Variants in ANKRD6 observed in about 807,000 individuals in gnomAD.
ANKRD6 encodes the protein ankyrin repeat domain 6, also known as ankyrin repeat domain-containing protein 6.
In ANKRD6, 56 loss-of-function variants were observed where a neutral mutation model predicts 82.3. The observed-to-expected ratio is 0.68, with a 90% CI of 0.55 to 0.85. ANKRD6 has a LOEUF of 0.85. ANKRD6 is among the 40% of genes least tolerant of loss of function. The pLI, the probability that ANKRD6 is intolerant of heterozygous loss-of-function variation, is 0.00. For missense variants in ANKRD6, 852 were observed against 907.6 expected, an observed-to-expected ratio of 0.94 and a Z score of 0.79; for synonymous variants, 347 against 352.1, an observed-to-expected ratio of 0.99 and a Z score of 0.16.
At chr6:89,525,698 T>C (rs375493281) in intron 1 of ANKRD6, among the ~76,000 whole-genome samples, 4 of 152,214 alleles carry the variant, frequency 2.6e-5, no homozygotes, top group Non-Finnish European at 4.4e-5. Context: ...TACATAGTTA[T>C]GAGGGGAGTC....
chr6:89,485,873 C>T (rs1180398725), intron 1 of ANKRD6, among the ~76,000 whole-genome samples: 1 of 152,094 alleles, frequency 6.6e-6, no homozygotes, highest in Non-Finnish European at 1.5e-5. Flanking sequence ...TAATCCTCAC[C>T]AGAAATTTGC....
chr6:89,588,076 G>A (rs1411097129), intron 2 of ANKRD6, among the ~76,000 whole-genome samples: 1 of 152,072 alleles, frequency 6.6e-6, no homozygotes, highest in Non-Finnish European at 1.5e-5. Context: ...AAGCTCTCAG[G>A]GAACACCATC....
intron 1 of ANKRD6, among the ~76,000 whole-genome samples, chr6:89,456,536 T>A (rs1258402932): frequency 6.6e-6 from 1 of 152,186 alleles, no homozygotes; most frequent in Non-Finnish European, 1.5e-5. Context: ...CAGACTGGGT[T>A]AGGGCCTACC....
At chr6:89,562,858 A>C (rs1169664832) in intron 1 of ANKRD6, 1 of 152,228 alleles carries the variant, frequency 6.6e-6, no homozygotes, top group African/African-American at 2.4e-5. Context: ...GTTATCCAGA[A>C]ACTGAACACG....
At chr6:89,467,820 C>T (rs1201694950) in intron 1 of ANKRD6, among the ~76,000 whole-genome samples, 2 of 152,130 alleles carry the variant, frequency 1.3e-5, no homozygotes, top group South Asian at 2.1e-4. Flanking sequence ...TCTTATGTTG[C>T]GGGAGGCATT....
chr6:89,522,889 T>G (rs1782047451), intron 1 of ANKRD6, among the ~76,000 whole-genome samples: 1 of 152,142 alleles, frequency 6.6e-6, no homozygotes, highest in South Asian at 2.1e-4. Flanking sequence ...AGAGAAGGGA[T>G]TAAATCTAGT....
At chr6:89,538,932 A>G (rs186888953) in intron 1 of ANKRD6, among the ~76,000 whole-genome samples, 3 of 152,336 alleles carry the variant, frequency 2.0e-5, no homozygotes, top group East Asian at 1.9e-4. Flanking sequence ...CAGAGTTTCA[A>G]CAGATTCTTA....
intron 1 of ANKRD6, among the ~76,000 whole-genome samples, chr6:89,446,909 T>C (rs1227245766): frequency 6.6e-6 from 1 of 152,306 alleles, no homozygotes; most frequent in East Asian, 1.9e-4. Flanking sequence ...GCTGCTGCCA[T>C]GTGAAGAAGG....
intron 3 of ANKRD6, 50 bp from the exon 4 acceptor site, chr6:89,602,978 AG>A: frequency 6.8e-7 from 1 of 1,459,856 alleles, no homozygotes. Context: ...TAGTGCAAGC[AG>A]GGGGTGCAGG....
intron 1 of ANKRD6, among the ~76,000 whole-genome samples, chr6:89,460,391 T>C (rs1773980875): frequency 6.6e-6 from 1 of 152,104 alleles, no homozygotes; most frequent in Non-Finnish European, 1.5e-5. Context: ...AATTTCAAAA[T>C]TTTGAAAGTA....
rs193168692 is a variant in ANKRD6, at chr6:89,484,263, A to G, written c.-144+50888A>G. On this transcript the variant is annotated intron_variant, in intron 1 of 15. Transcript: ENST00000339746. ...TTTTCCTCTGAAACTTCAGTGTCCT[A>G]TATTCAATATGTGAATTGTGAAATA... Among the ~76,000 whole-genome samples the G allele has an allele frequency of 1.2e-4, 19 of 152,298 alleles. No individual in the cohort carries two copies. The East Asian group carries it at 1.5e-3, about 12-fold the overall frequency.
chr6:89,493,365 G>A (rs116264612), intron 1 of ANKRD6, among the ~76,000 whole-genome samples: 1,746 of 151,938 alleles, frequency 0.011, 33 homozygotes, highest in African/African-American at 0.038. Flanking sequence ...TGTCTTCTGT[G>A]TGTCTCTGTG....
chr6:89,492,048 C>G (rs1230365428), intron 1 of ANKRD6, among the ~76,000 whole-genome samples: 1 of 152,156 alleles, frequency 6.6e-6, no homozygotes, highest in Admixed American at 6.5e-5. Context: ...ATGAAGACTC[C>G]CACGTCACCT....
intron 1 of ANKRD6, among the ~76,000 whole-genome samples, chr6:89,490,151 C>G (rs1407827677): frequency 6.6e-6 from 1 of 152,194 alleles, no homozygotes; most frequent in Non-Finnish European, 1.5e-5. Context: ...TAATCCAGTT[C>G]AATTGCATGC....
intron 3 of ANKRD6, among the ~76,000 whole-genome samples, chr6:89,599,932 G>A (rs1009581290): frequency 7.2e-5 from 11 of 152,086 alleles, no homozygotes; most frequent in African/African-American, 2.7e-4. Context: ...CCGGGCTCTC[G>A]GTGAGGTCTC....
rs9451235 is a variant in ANKRD6, at chr6:89,517,987, A to T, written c.-143-48847A>T. 1.7e-3 allele frequency among the ~76,000 whole-genome samples: 266 copies of T among 152,250 alleles called. 2 individuals are homozygous for T. The highest frequency in any genetic ancestry group is 6.0e-3 in the African/African-American group (251 of 41,540). ...TTCATGGATTCATTCAATAGTTATT[A>T]CTCCCTTACCTTGTAGCAGGTGCTA... On this transcript the variant is annotated intron_variant, in intron 1 of 15. Coordinates refer to ENST00000339746, the MANE Select transcript of ANKRD6 (RefSeq NM_001242809.2).
chr6:89,610,250 G>A (rs1241463066), intron 5 of ANKRD6, among the ~76,000 whole-genome samples: 1 of 152,018 alleles, frequency 6.6e-6, no homozygotes, highest in East Asian at 1.9e-4. Context: ...GTTCCTTTGC[G>A]CCCTCTGGTG....
intron 2 of ANKRD6, among the ~76,000 whole-genome samples, chr6:89,588,418 A>G (rs1583513598): frequency 6.6e-6 from 1 of 152,358 alleles, no homozygotes; most frequent in Non-Finnish European, 1.5e-5. Context: ...AAAAGACTGC[A>G]TGACCCTGAT....
rs772822142 is a variant in ANKRD6, at chr6:89,617,994, AC to A, written c.758del (p.Pro253ArgfsTer22). On this transcript the variant is annotated frameshift_variant, in exon 9 of 16. Coordinates refer to ENST00000339746, the MANE Select transcript of ANKRD6 (RefSeq NM_001242809.2). LOFTEE classifies it high-confidence loss of function. ...TPLETARYHNNPEVALLLTKA... is the reference protein window; with the variant it reads ...TPLETARYHNXPEVALLLTKA... ...CTGGAGACTGCCCGCTACCACAATA[AC>A]CCGGAAGTTGCTCTTCTCCTTACTA... 6.2e-7 allele frequency: 1 copy of A among 1,613,800 alleles called. No homozygotes were observed. Among genetic ancestry groups the A allele is most frequent in the Non-Finnish European group, 8.5e-7 (1 of 1,179,852 alleles).
Sources: allele counts gnomAD v4.1 joint callset (sites outside exome capture counted in the v4.1 genomes callset), GRCh38; gene constraint gnomAD v4.1.1; transcripts MANE v1.5; gene names NCBI Gene and HGNC (gene_info 2026-07-23, HGNC 2026-07-21).